Variants in SH2D4A observed in about 807,000 individuals in gnomAD.
SH2D4A encodes SH2 domain containing 4A.
A neutral mutation model predicts 64.7 loss-of-function variants in SH2D4A; 70 were observed. The observed-to-expected ratio is 1.08, with a 90% CI of 0.89 to 1.32. The LOEUF is 1.32. SH2D4A is among the 40% of genes most tolerant of loss of function. The pLI is 0.00. For synonymous variants in SH2D4A, 268 were observed against 200.7 expected (o/e 1.34, Z -2.83); for missense variants, 706 against 540.1 (o/e 1.31, Z -3.04).
At chr8:19,339,236 C>A (rs2052489554) in intron 4 of SH2D4A, among the ~76,000 whole-genome samples, 1 of 152,194 alleles carries the variant, frequency 6.6e-6, no homozygotes, top group South Asian at 2.1e-4. Flanking sequence ...TTTATTCTAG[C>A]CACACTGGCA....
At position 19,393,436 on chromosome 8, in the gene SH2D4A, C is replaced by T. The variant is rs749319106; in HGVS notation, c.1167C>T (p.Asp389=). The change falls in exon 9 of 10, where the codon GAC becomes GAT. Residue 389 remains aspartate, a synonymous_variant. Transcript: ENST00000265807. ...KGYALSYLSE[D]GCKHFLIDAS... ...ATGCCCTGTCCTATCTGTCGGAGGA[C>T]GGCTGTAAACATTTCCTCATCGATG... 3.5e-5 allele frequency: 56 copies of T among 1,614,106 alleles called. No homozygotes were observed. Among genetic ancestry groups the T allele is most frequent in the Middle Eastern group, 1.6e-4 (1 of 6,084 alleles).
At chr8:19,376,448 C>G (rs978241406) in intron 8 of SH2D4A, among the ~76,000 whole-genome samples, 1 of 150,398 alleles carries the variant, frequency 6.6e-6, no homozygotes, top group Non-Finnish European at 1.5e-5. Flanking sequence ...GGGGCAAAAC[C>G]CAATCTCTAC....
intron 8 of SH2D4A, among the ~76,000 whole-genome samples, chr8:19,386,849 A>T (rs1453056273): frequency 6.6e-6 from 1 of 152,222 alleles, no homozygotes; most frequent in Non-Finnish European, 1.5e-5. Context: ...GGGTGATCAC[A>T]ACTCACTGCA....
chr8:19,327,606 C>T (rs990224098), intron 2 of SH2D4A, among the ~76,000 whole-genome samples: 1 of 152,174 alleles, frequency 6.6e-6, no homozygotes, highest in African/African-American at 2.4e-5. Context: ...CCTTGACATC[C>T]TTACTCCCGC....
Position 19,393,467 on chromosome 8 carries a change from G to A in SH2D4A, c.1198G>A (p.Ala400Thr), listed in dbSNP as rs781189147. The A allele has an allele frequency of 1.9e-6, 3 of 1,614,228 alleles. No homozygotes were observed. Among genetic ancestry groups the A allele is most frequent in the Non-Finnish European group, 2.5e-6 (3 of 1,180,044 alleles). Residue 400 changes from alanine (A) to threonine (T), a missense_variant, in exon 9 of 10, where the codon GCA becomes ACA. Coordinates refer to ENST00000265807, the MANE Select transcript of SH2D4A (RefSeq NM_022071.4). ...TAAACATTTCCTCATCGATGCCTCT[G>A]CAGACGCCTACAGCTTCCTGGGCGT... ...GCKHFLIDAS[A>T]DAYSFLGVDQ...
chr8:19,322,178 C>T (rs2052201609), intron 2 of SH2D4A, among the ~76,000 whole-genome samples: 1 of 152,212 alleles, frequency 6.6e-6, no homozygotes, highest in African/African-American at 2.4e-5. Context: ...TCATCTTGCG[C>T]TGTCTTTGAA....
In SH2D4A at chr8:19,394,624, C is replaced by T. The variant is rs1236964686; in HGVS notation, c.1347C>T (p.Tyr449=). 6.2e-7 allele frequency: 1 copy of T among 1,608,778 alleles called. No individual in the cohort carries two copies. Among genetic ancestry groups the T allele is most frequent in the Admixed American group, 1.7e-5 (1 of 59,642 alleles). Reference sequence around the variant, plus strand: ...GTCAGCAGGACCAGCTGCCTGACTACCTGGAGCTGTTTGAGTGACAGCCTC... The same window carrying T: ...GTCAGCAGGACCAGCTGCCTGACTATCTGGAGCTGTTTGAGTGACAGCCTC... ...PCGQQDQLPD[Y]LELFE is the part of the protein sequence containing the mutation. Residue 449 remains tyrosine (Y), a synonymous_variant, in exon 10 of 10, where the codon TAC becomes TAT. Transcript: ENST00000265807.
rs1408126678 is a variant in SH2D4A at position 19,349,910 on chromosome 8, G to C, written c.514-7293G>C. Among the ~76,000 whole-genome samples the C allele has an allele frequency of 2.6e-5, 4 of 152,088 alleles. No homozygotes were observed. The East Asian group carries it at 7.7e-4, about 29-fold the overall frequency. ...GTAGAGACGGGGCTTCACCATGTTG[G>C]CCAGGCTGGTCTCAAACTCCTGACC... On this transcript the variant is annotated intron_variant, in intron 4 of 9. Coordinates refer to ENST00000265807, the MANE Select transcript of SH2D4A (RefSeq NM_022071.4).
At chr8:19,361,852 T>G (rs73601136) in intron 6 of SH2D4A, among the ~76,000 whole-genome samples, 3,905 of 152,292 alleles carry the variant, frequency 0.026, 147 homozygotes, top group African/African-American at 0.088. Context: ...TTTAACTTTG[T>G]AATCAGAAGC....
intron 6 of SH2D4A, 126 bp from the exon 7 acceptor site, chr8:19,363,946 C>A: frequency 1.2e-6 from 1 of 819,164 alleles, no homozygotes; most frequent in Non-Finnish European, 1.9e-6. Context: ...AATGATTGTT[C>A]CTTATTATAA....
At chr8:19,317,505 A>C (rs1018522457) in intron 1 of SH2D4A, among the ~76,000 whole-genome samples, 1 of 75,234 alleles carries the variant, frequency 1.3e-5, no homozygotes, top group Non-Finnish European at 3.2e-5. Flanking sequence ...GGATAGGTGT[A>C]GTTTCATCAA....
At chr8:19,329,729 G>T (rs986604667) in intron 2 of SH2D4A, among the ~76,000 whole-genome samples, 1 of 152,144 alleles carries the variant, frequency 6.6e-6, no homozygotes, top group Non-Finnish European at 1.5e-5. Context: ...AGATCTGAAG[G>T]TTTTATCAGG....
chr8:19,387,747 C>A (rs908649482), intron 8 of SH2D4A, among the ~76,000 whole-genome samples: 1 of 152,198 alleles, frequency 6.6e-6, no homozygotes, highest in African/African-American at 2.4e-5. Context: ...TAGGCAGTCA[C>A]ATGACTCTGT....
chr8:19,322,787 C>T (rs1271638062), intron 2 of SH2D4A, among the ~76,000 whole-genome samples: 2 of 151,986 alleles, frequency 1.3e-5, no homozygotes, highest in Non-Finnish European at 2.9e-5. Context: ...TCTCCTGCCT[C>T]AGCCTCCTGA....
At chr8:19,385,088 G>T (rs1018822397) in intron 8 of SH2D4A, among the ~76,000 whole-genome samples, 3 of 152,086 alleles carry the variant, frequency 2.0e-5, no homozygotes, top group Admixed American at 6.5e-5. Context: ...TGCTGTCATG[G>T]CATACAACTG....
rs150442613 is a variant in SH2D4A, at chr8:19,332,988, C to A, written c.215C>A (p.Ala72Asp). The A allele has an allele frequency of 6.2e-7, 1 of 1,613,260 alleles. No homozygotes were observed. The highest frequency in any genetic ancestry group is 8.5e-7 in the Non-Finnish European group (1 of 1,179,840). The change falls in exon 3 of 10, where the codon GCT becomes GAT. Residue 72 changes from alanine to aspartate, a missense_variant. Transcript: ENST00000265807. The stretch of plus-strand genomic sequence containing the variant: ...AAATCGGTTCATTGGAAACTTGGAG[C>A]TGATAAGGAAGTCTGGGTATGGGTG... ...NGKSVHWKLG[A>D]DKEVWVWVMG...
chr8:19,350,211 G>A (rs184090735), intron 4 of SH2D4A, among the ~76,000 whole-genome samples: 122 of 152,094 alleles, frequency 8.0e-4, no homozygotes, highest in African/African-American at 2.8e-3. Context: ...TATTTCAGGC[G>A]TCTCCCTGGA....
chr8:19,381,841 T>TA, intron 8 of SH2D4A, among the ~76,000 whole-genome samples: 1 of 152,190 alleles, frequency 6.6e-6, no homozygotes, highest in East Asian at 1.9e-4. Flanking sequence ...GCTGAGTTTT[T>TA]ATCATGATAG....
At chr8:19,330,130 A>G (rs2052347272) in intron 2 of SH2D4A, among the ~76,000 whole-genome samples, 1 of 152,312 alleles carries the variant, frequency 6.6e-6, no homozygotes, top group Non-Finnish European at 1.5e-5. Flanking sequence ...GCTAATAGCA[A>G]AAACTCATTT....
Sources: allele counts gnomAD v4.1 joint callset (sites outside exome capture counted in the v4.1 genomes callset), GRCh38; gene constraint gnomAD v4.1.1; transcripts MANE v1.5; gene names NCBI Gene and HGNC (gene_info 2026-07-23, HGNC 2026-07-21).